The following CDH4 variants were observed in gnomAD, a reference collection of about 807,000 sequenced individuals.
CDH4 encodes cadherin 4.
In CDH4, 33 loss-of-function variants were observed where a neutral mutation model predicts 86.0. The ratio of observed to expected loss-of-function variants is 0.38; its 90% CI spans 0.29 to 0.51. The LOEUF is 0.51. CDH4 is among the 20% of genes least tolerant of loss of function. The pLI is 0.86. For synonymous variants in CDH4, 555 were observed against 549.4 expected (o/e 1.01, Z -0.14); for missense variants, 1,114 against 1,307.4 (o/e 0.85, Z 2.28).
intron 2 of CDH4, among the ~76,000 whole-genome samples, chr20:61,672,590 A>C (rs2087402549): frequency 2.0e-5 from 3 of 152,156 alleles, no homozygotes; most frequent in African/African-American, 7.2e-5. Flanking sequence ...CCAATGAGTG[A>C]AACTGCCCAT....
At chr20:61,358,309 A>G (rs950373158) in intron 2 of CDH4, among the ~76,000 whole-genome samples, 1 of 152,126 alleles carries the variant, frequency 6.6e-6, no homozygotes, top group East Asian at 1.9e-4. Context: ...TTCCCGAGGC[A>G]CCAAGCCTTG....
At chr20:61,614,818 A>G (rs1196800848) in intron 2 of CDH4, among the ~76,000 whole-genome samples, 2 of 152,082 alleles carry the variant, frequency 1.3e-5, no homozygotes, top group Non-Finnish European at 2.9e-5. Flanking sequence ...CTCCCTGAGG[A>G]TGGGGATGAG....
chr20:61,298,390 C>G (rs558063798), intron 2 of CDH4, among the ~76,000 whole-genome samples: 2 of 152,240 alleles, frequency 1.3e-5, no homozygotes, highest in South Asian at 4.2e-4. Context: ...GAGGACCCAC[C>G]ACTCAGCAGG....
chr20:61,826,962 AGTGTGT>A (rs11470719), intron 4 of CDH4, among the ~76,000 whole-genome samples: 42,862 of 145,904 alleles, frequency 0.29, 6,305 homozygotes, highest in East Asian at 0.49. Flanking sequence ...AGAAGGGAAA[AGTGTGT>A]GTGTGTGTGT....
chr20:61,888,264 C>G (rs1984635901), intron 7 of CDH4, among the ~76,000 whole-genome samples: 1 of 152,206 alleles, frequency 6.6e-6, no homozygotes, highest in East Asian at 1.9e-4. Context: ...GCATGGGTAT[C>G]TGACATTTGG....
intron 2 of CDH4, among the ~76,000 whole-genome samples, chr20:61,583,140 GAGGGCTCTGCGGAGGGA>G (rs1197532087): frequency 3.0e-5 from 2 of 66,210 alleles, no homozygotes; most frequent in Non-Finnish European, 7.5e-5. Flanking sequence ...CGGGGGGACA[GAGGGCTCTGCGGAGGGA>G]CAGAGGGCTC....
chr20:61,910,344 C>T (rs1217569860), intron 8 of CDH4, 78 bp from the exon 9 acceptor site: 1 of 1,283,788 alleles, frequency 7.8e-7, no homozygotes, highest in East Asian at 2.4e-5. Context: ...CGTTGAGCTG[C>T]ACATATGCTA....
At chr20:61,654,768 C>G (rs1200003255) in intron 2 of CDH4, among the ~76,000 whole-genome samples, 2 of 152,170 alleles carry the variant, frequency 1.3e-5, no homozygotes, top group Non-Finnish European at 2.9e-5. Flanking sequence ...CCCAGGATGG[C>G]CAGCGCCAGT....
At chr20:61,465,590 G>A (rs997334253) in intron 2 of CDH4, among the ~76,000 whole-genome samples, 6 of 152,282 alleles carry the variant, frequency 3.9e-5, no homozygotes, top group South Asian at 2.1e-4. Flanking sequence ...AAATGCATCC[G>A]AAGGGAATTG....
intron 2 of CDH4, among the ~76,000 whole-genome samples, chr20:61,299,871 A>G (rs1054853364): frequency 3.3e-5 from 5 of 152,170 alleles, no homozygotes; most frequent in African/African-American, 1.2e-4. Context: ...ACGCCATAGA[A>G]GCCGCCAGCA....
At chr20:61,867,543 C>T (rs1287296507) in intron 6 of CDH4, among the ~76,000 whole-genome samples, 1 of 101,228 alleles carries the variant, frequency 9.9e-6, no homozygotes, top group East Asian at 2.9e-4. Context: ...GAGCAAGACT[C>T]CATCCAAAAA....
At chr20:61,700,662 C>G (rs1351742786) in intron 2 of CDH4, among the ~76,000 whole-genome samples, 1 of 151,734 alleles carries the variant, frequency 6.6e-6, no homozygotes, top group African/African-American at 2.4e-5. Flanking sequence ...ACTGTGGGGC[C>G]ACACGTCACC....
chr20:61,548,332 A>G (rs1383708140), intron 2 of CDH4, among the ~76,000 whole-genome samples: 2 of 152,106 alleles, frequency 1.3e-5, no homozygotes, highest in Non-Finnish European at 2.9e-5. Flanking sequence ...GGCAGGTGGA[A>G]GGAGGGAAAA....
chr20:61,491,088 TACA>T (rs1261471332), intron 2 of CDH4, among the ~76,000 whole-genome samples: 2 of 152,236 alleles, frequency 1.3e-5, no homozygotes, highest in African/African-American at 4.8e-5. Flanking sequence ...TCCATTGCAA[TACA>T]ACATTTGGCA....
chr20:61,612,525 A>G (rs2086692995), intron 2 of CDH4, among the ~76,000 whole-genome samples: 1 of 152,044 alleles, frequency 6.6e-6, no homozygotes, highest in Non-Finnish European at 1.5e-5. Context: ...TTGGACTCAC[A>G]CTTACCCAAC....
At chr20:61,362,155 C>T (rs1345519303) in intron 2 of CDH4, among the ~76,000 whole-genome samples, 2 of 151,952 alleles carry the variant, frequency 1.3e-5, no homozygotes, top group Non-Finnish European at 2.9e-5. Context: ...GCCAGGAAGG[C>T]AATGATGAGG....
At chr20:61,308,901 C>A (rs778900014) in intron 2 of CDH4, among the ~76,000 whole-genome samples, 2 of 152,184 alleles carry the variant, frequency 1.3e-5, no homozygotes, top group African/African-American at 4.8e-5. Context: ...AAGCAGAGCT[C>A]GTAGCCTGTG....
intron 2 of CDH4, among the ~76,000 whole-genome samples, chr20:61,575,601 C>T (rs540322480): frequency 2.0e-5 from 3 of 152,368 alleles, no homozygotes; most frequent in East Asian, 1.9e-4. Flanking sequence ...CTGGCACACA[C>T]GCCATATCTG....
intron 4 of CDH4, among the ~76,000 whole-genome samples, chr20:61,792,116 G>C (rs1979235470): frequency 6.6e-6 from 1 of 152,138 alleles, no homozygotes; most frequent in East Asian, 1.9e-4. Flanking sequence ...AGAGATGTGG[G>C]GGCCTGGGCT....
Sources: gnomAD v4.1 joint callset for allele counts (sites outside exome capture counted in the v4.1 genomes callset) on GRCh38, gnomAD v4.1.1 for gene constraint, MANE v1.5 for transcripts, NCBI Gene and HGNC (gene_info 2026-07-23, HGNC 2026-07-21) for gene names.